The following NUBPL variants were observed in gnomAD, a reference collection of about 807,000 sequenced individuals.
NUBPL encodes the protein iron-sulfur cluster transfer protein NUBPL.
In NUBPL, 31 loss-of-function variants were observed where a neutral mutation model predicts 45.7. The observed-to-expected ratio is 0.68, with a 90% CI of 0.51 to 0.92. NUBPL has a LOEUF of 0.92. NUBPL is among the 40% of genes least tolerant of loss of function. The pLI, the probability that NUBPL is intolerant of heterozygous loss-of-function variation, is 0.00. For synonymous variants in NUBPL, 144 were observed against 140.9 expected, an observed-to-expected ratio of 1.02 and a Z score of -0.15; for missense variants, 401 against 398.7, an observed-to-expected ratio of 1.01 and a Z score of -0.05.
chr14:31,781,112 C>T lies in NUBPL; in HGVS notation c.514-6668C>T, dbSNP rs193139767. Among the ~76,000 whole-genome samples the T allele has an allele frequency of 7.9e-4, 120 of 152,228 alleles. No homozygotes were observed. The Middle Eastern group carries it at 0.014, about 17-fold the overall frequency. ...AGGATTTGGATCCTGGGAGAACCTACGAAAGACATCAAAAAGTTCAAAGTA... is the reference window on the plus strand; with the variant it reads ...AGGATTTGGATCCTGGGAGAACCTATGAAAGACATCAAAAAGTTCAAAGTA... On this transcript the variant is annotated intron_variant, in intron 6 of 10. Coordinates refer to ENST00000281081, the MANE Select transcript of NUBPL (RefSeq NM_025152.3).
At chr14:31,750,339 C>T (rs1301355692) in intron 6 of NUBPL, among the ~76,000 whole-genome samples, 2 of 85,148 alleles carry the variant, frequency 2.3e-5, no homozygotes, top group Non-Finnish European at 5.8e-5. Context: ...CCACGCCCGG[C>T]TAATTTTTTT....
chr14:31,588,521 C>T (rs2139517175), intron 3 of NUBPL, among the ~76,000 whole-genome samples: 1 of 152,044 alleles, frequency 6.6e-6, no homozygotes, highest in African/African-American at 2.4e-5. Flanking sequence ...ATAACTTATC[C>T]ATAATCACCC....
At chr14:31,789,189 G>T (rs1296796991) in intron 7 of NUBPL, among the ~76,000 whole-genome samples, 1 of 152,018 alleles carries the variant, frequency 6.6e-6, no homozygotes, top group African/African-American at 2.4e-5. Context: ...AGCCAGGTGT[G>T]GTGGCGGGCA....
At chr14:31,770,957 T>A (rs183718562) in intron 6 of NUBPL, among the ~76,000 whole-genome samples, 3 of 152,208 alleles carry the variant, frequency 2.0e-5, no homozygotes, top group Non-Finnish European at 4.4e-5. Context: ...TTAAAAATAA[T>A]ATCTATTGAG....
At chr14:31,660,423 A>C (rs887866746) in intron 4 of NUBPL, among the ~76,000 whole-genome samples, 1 of 152,150 alleles carries the variant, frequency 6.6e-6, no homozygotes, top group African/African-American at 2.4e-5. Context: ...TGGTTTCAGA[A>C]AGGAAGGACT....
intron 1 of NUBPL, chr14:31,561,750 A>T (rs950253220): frequency 1.0e-5 from 6 of 580,072 alleles, no homozygotes; most frequent in Admixed American, 3.3e-5. Flanking sequence ...GTGGTATTCT[A>T]CATTGCTTTC....
chr14:31,706,555 T>C (rs2037457456), intron 6 of NUBPL, among the ~76,000 whole-genome samples: 1 of 152,344 alleles, frequency 6.6e-6, no homozygotes, highest in South Asian at 2.1e-4. Context: ...TCAGAAGCCT[T>C]TTCCTGTAAA....
intron 6 of NUBPL, among the ~76,000 whole-genome samples, chr14:31,711,092 A>G (rs1460434006): frequency 6.6e-6 from 1 of 152,198 alleles, no homozygotes; most frequent in East Asian, 1.9e-4. Flanking sequence ...CAGGATAGAT[A>G]GGATAGATGG....
At chr14:31,626,730 G>A (rs549691708) in intron 4 of NUBPL, among the ~76,000 whole-genome samples, 2 of 152,106 alleles carry the variant, frequency 1.3e-5, no homozygotes, top group Non-Finnish European at 2.9e-5. Context: ...TGTTCTTAAG[G>A]TTCCTAATTT....
At chr14:31,585,239 A>T (rs1595318853) in intron 3 of NUBPL, among the ~76,000 whole-genome samples, 1 of 141,100 alleles carries the variant, frequency 7.1e-6, no homozygotes, top group Non-Finnish European at 1.5e-5. Context: ...TGATGAACTT[A>T]AAAAAAATCA....
intron 6 of NUBPL, among the ~76,000 whole-genome samples, chr14:31,688,470 G>A (rs887436212): frequency 6.6e-6 from 1 of 151,724 alleles, no homozygotes; most frequent in Non-Finnish European, 1.5e-5. Context: ...CCAGCTACTC[G>A]GGTGGCTGAG....
intron 6 of NUBPL, among the ~76,000 whole-genome samples, chr14:31,777,289 G>C (rs567479357): frequency 2.2e-4 from 34 of 152,198 alleles, no homozygotes; most frequent in Non-Finnish European, 4.1e-4. Flanking sequence ...TGCCAGAGTG[G>C]TTGACTACCT....
At chr14:31,637,456 G>A (rs1306025777) in intron 4 of NUBPL, among the ~76,000 whole-genome samples, 1 of 152,182 alleles carries the variant, frequency 6.6e-6, no homozygotes, top group Admixed American at 6.5e-5. Flanking sequence ...CTGAGAGACA[G>A]TTTGTTATAA....
intron 2 of NUBPL, among the ~76,000 whole-genome samples, chr14:31,563,423 TACA>T (rs1159719674): frequency 1.3e-5 from 2 of 152,224 alleles, no homozygotes; most frequent in African/African-American, 4.8e-5. Context: ...TGAGAAAGTG[TACA>T]ACATGTGACA....
chr14:31,804,858 C>G (rs1212748483), intron 7 of NUBPL, among the ~76,000 whole-genome samples: 2 of 152,018 alleles, frequency 1.3e-5, no homozygotes, highest in African/African-American at 4.8e-5. Context: ...GCAATACCAT[C>G]CTGGACATAG....
At chr14:31,590,061 T>C (rs1030989917) in intron 3 of NUBPL, among the ~76,000 whole-genome samples, 8 of 152,180 alleles carry the variant, frequency 5.3e-5, no homozygotes, top group Non-Finnish European at 1.2e-4. Flanking sequence ...AACATACAGG[T>C]GGCAAAACTA....
At chr14:31,751,802 A>G (rs2038536828) in intron 6 of NUBPL, among the ~76,000 whole-genome samples, 2 of 152,214 alleles carry the variant, frequency 1.3e-5, no homozygotes, top group South Asian at 4.1e-4. Context: ...TTGCCCTAGT[A>G]GAGGTTTTCC....
In NUBPL at chr14:31,603,714, A is replaced by C. The variant is rs143347416; in HGVS notation, c.382+4335A>C. On this transcript the variant is annotated intron_variant, in intron 4 of 10. Coordinates refer to ENST00000281081, the MANE Select transcript of NUBPL (RefSeq NM_025152.3). ...ACTTAAAGATTTTAGTGATGTTAAC[A>C]TTGACCCTAGCAGTAGTATATTGCA... is the stretch of plus-strand genomic sequence containing the variant. 1.5e-3 allele frequency among the ~76,000 whole-genome samples: 233 copies of C among 152,318 alleles called. 1 individual carries two copies. Among genetic ancestry groups the C allele is most frequent in the African/African-American group, 5.4e-3 (224 of 41,564 alleles).
intron 7 of NUBPL, among the ~76,000 whole-genome samples, chr14:31,799,341 G>T (rs1380037301): frequency 6.6e-6 from 1 of 152,040 alleles, no homozygotes; most frequent in African/African-American, 2.4e-5. Flanking sequence ...ACAAGTCTGT[G>T]GAGTTAAGTT....
Sources: allele counts gnomAD v4.1 joint callset (sites outside exome capture counted in the v4.1 genomes callset), GRCh38; gene constraint gnomAD v4.1.1; transcripts MANE v1.5; gene names NCBI Gene and HGNC (gene_info 2026-07-23, HGNC 2026-07-21).